Variants in SPAG6 observed in about 807,000 individuals in gnomAD.
SPAG6 encodes sperm-associated antigen 6.
Under a neutral mutation model 58.5 loss-of-function variants are expected in SPAG6, and 49 were observed. That is an observed-to-expected ratio of 0.84 (90% CI 0.67 to 1.06). The LOEUF is 1.06. Ranked by LOEUF, SPAG6 falls within the 50% of genes least tolerant of loss-of-function variation. The pLI is 0.00. For missense variants in SPAG6, 560 were observed against 611.3 expected (o/e 0.92, Z 0.89); for synonymous variants, 233 against 225.6 (o/e 1.03, Z -0.29).
intron 10 of SPAG6, among the ~76,000 whole-genome samples, chr10:22,413,440 G>T (rs987569236): frequency 6.6e-6 from 1 of 152,028 alleles, no homozygotes; most frequent in African/African-American, 2.4e-5. Context: ...GGCTGAGGCA[G>T]GAGAATGGCG....
At chr10:22,413,708 T>TATATATA (rs1564384103) in intron 10 of SPAG6, among the ~76,000 whole-genome samples, 3 of 150,870 alleles carry the variant, frequency 2.0e-5, no homozygotes, top group African/African-American at 7.4e-5. Context: ...TATATATATA[T>TATATATA]TTCACCCACA....
At chr10:22,370,516 T>C (rs1833659490) in intron 4 of SPAG6, among the ~76,000 whole-genome samples, 1 of 152,188 alleles carries the variant, frequency 6.6e-6, no homozygotes, top group Non-Finnish European at 1.5e-5. Context: ...CTTCACTAAA[T>C]ACTTCCTGAA....
intron 7 of SPAG6, among the ~76,000 whole-genome samples, chr10:22,389,527 C>T (rs1445029386): frequency 6.6e-6 from 1 of 152,164 alleles, no homozygotes; most frequent in African/African-American, 2.4e-5. Flanking sequence ...AACAGGATAT[C>T]AACTATTTTG....
At chr10:22,399,404 T>G (rs1834362477) in intron 8 of SPAG6, among the ~76,000 whole-genome samples, 1 of 152,200 alleles carries the variant, frequency 6.6e-6, no homozygotes, top group African/African-American at 2.4e-5. Context: ...TAAATGAAAT[T>G]ATACAATATA....
intron 10 of SPAG6, among the ~76,000 whole-genome samples, chr10:22,415,408 T>C (rs905227604): frequency 2.0e-5 from 3 of 152,128 alleles, no homozygotes; most frequent in African/African-American, 4.8e-5. Flanking sequence ...GCTTTAAAAT[T>C]TTTGACTAAC....
chr10:22,346,321 T>A (rs943551274), intron 2 of SPAG6, among the ~76,000 whole-genome samples: 2 of 152,046 alleles, frequency 1.3e-5, no homozygotes, highest in African/African-American at 4.8e-5. Context: ...TATGGCGCGT[T>A]CCTTCTACTC....
intron 4 of SPAG6, among the ~76,000 whole-genome samples, chr10:22,381,779 C>T (rs1174712885): frequency 2.0e-5 from 3 of 152,320 alleles, no homozygotes; most frequent in Middle Eastern, 6.8e-3. Flanking sequence ...TAATGTTCCA[C>T]TCATGCAGCT....
rs1293516705 is a variant in SPAG6 at position 22,368,488 on chromosome 10, C to T, written c.289-7C>T. On this transcript the variant is annotated splice_polypyrimidine_tract_variant and splice_region_variant and intron_variant, in intron 3 of 10. Coordinates refer to ENST00000376624, the MANE Select transcript of SPAG6 (RefSeq NM_012443.4). Reference sequence around the variant, plus strand: ...CATTTTGAGTTTTGTCTGTTTGACCCTTGTAGCGCTTCTACAAGAAAGCAG... The same window carrying T: ...CATTTTGAGTTTTGTCTGTTTGACCTTTGTAGCGCTTCTACAAGAAAGCAG... 1.9e-6 allele frequency: 3 copies of T among 1,611,060 alleles called. No homozygotes were observed. The highest frequency in any genetic ancestry group is 8.5e-7 in the Non-Finnish European group (1 of 1,178,480).
chr10:22,399,706 T>A (rs750738486), intron 8 of SPAG6, among the ~76,000 whole-genome samples: 1 of 152,222 alleles, frequency 6.6e-6, no homozygotes, highest in Non-Finnish European at 1.5e-5. Flanking sequence ...TCTTGATTAA[T>A]AACTTGACAA....
At chr10:22,411,892 A>G (rs1447856040) in intron 10 of SPAG6, among the ~76,000 whole-genome samples, 5 of 119,870 alleles carry the variant, frequency 4.2e-5, no homozygotes, top group Non-Finnish European at 7.9e-5. Context: ...TCTGTCGTCC[A>G]GGCTGGAGTG....
At chr10:22,397,093 G>T (rs931229020) in intron 8 of SPAG6, among the ~76,000 whole-genome samples, 20 of 151,794 alleles carry the variant, frequency 1.3e-4, no homozygotes, top group African/African-American at 4.6e-4. Flanking sequence ...ATTTTATTTT[G>T]CTCACAGCCA....
intron 4 of SPAG6, among the ~76,000 whole-genome samples, chr10:22,378,037 C>CTTTTTTTCTTTTCTTTTCTTTTTTTT (rs1833860189): frequency 4.0e-4 from 54 of 134,984 alleles, no homozygotes; most frequent in African/African-American, 1.3e-3. Flanking sequence ...AAGTACAGAT[C>CTTTTTTTCTTTTCTTTTCTTTTTTTT]TTTTTTTCTT....
intron 8 of SPAG6, among the ~76,000 whole-genome samples, chr10:22,399,456 G>T (rs1407753385): frequency 6.6e-6 from 1 of 152,170 alleles, no homozygotes. Context: ...GGTAACATTT[G>T]TGAGGTTCAT....
intron 9 of SPAG6, among the ~76,000 whole-genome samples, chr10:22,402,040 T>C (rs1171275043): frequency 6.6e-6 from 1 of 152,202 alleles, no homozygotes; most frequent in Non-Finnish European, 1.5e-5. Context: ...GAGTTCCCAC[T>C]TACCAGCTCT....
At chr10:22,414,847 A>G (rs1564384527) in intron 10 of SPAG6, among the ~76,000 whole-genome samples, 1 of 152,304 alleles carries the variant, frequency 6.6e-6, no homozygotes, top group South Asian at 2.1e-4. Context: ...GCTCACTGCA[A>G]CTGCCACCTC....
chr10:22,364,772 C>T, intron 2 of SPAG6, 81 bp from the exon 3 acceptor site: 2 of 945,384 alleles, frequency 2.1e-6, no homozygotes, highest in Non-Finnish European at 3.1e-6. Context: ...TTTAATTTTA[C>T]TGTCTGCATA....
intron 3 of SPAG6, among the ~76,000 whole-genome samples, chr10:22,365,779 A>T (rs1564364925): frequency 6.6e-6 from 1 of 152,238 alleles, no homozygotes; most frequent in Non-Finnish European, 1.5e-5. Flanking sequence ...TTCTCCAAAG[A>T]ATATATAAAA....
chr10:22,368,308 GA>G (rs1837253456), intron 3 of SPAG6, among the ~76,000 whole-genome samples, 186 bp from the exon 4 acceptor site: 1 of 152,172 alleles, frequency 6.6e-6, no homozygotes, highest in East Asian at 1.9e-4. Context: ...TTGAGTTACT[GA>G]ACAGAAGCAA....
chr10:22,376,028 T>TG (rs1258827011), intron 4 of SPAG6, among the ~76,000 whole-genome samples: 3 of 152,214 alleles, frequency 2.0e-5, no homozygotes, highest in Admixed American at 6.5e-5. Context: ...TTTGCACACT[T>TG]GAACTGAGGC....
Sources: allele counts gnomAD v4.1 joint callset (sites outside exome capture counted in the v4.1 genomes callset), GRCh38; gene constraint gnomAD v4.1.1; transcripts MANE v1.5; gene names NCBI Gene and HGNC (gene_info 2026-07-23, HGNC 2026-07-21).